The following KCNMA1 variants were observed in gnomAD, a reference collection of about 807,000 sequenced individuals.
KCNMA1 encodes the protein potassium calcium-activated channel subfamily M alpha 1, also known as Calcium-activated potassium channel subunit alpha-1.
KCNMA1 carries 29 observed loss-of-function variants against 140.0 expected under a neutral mutation model. The observed-to-expected ratio is 0.21, with a 90% CI of 0.15 to 0.28. The LOEUF (loss-of-function observed/expected upper bound fraction) is 0.28. Ranked by LOEUF, KCNMA1 falls within the 10% of genes least tolerant of loss-of-function variation. KCNMA1 has a pLI of 1.00. For synonymous variants in KCNMA1, 612 were observed against 611.9 expected, an observed-to-expected ratio of 1.00 and a Z score of 0.00; for missense variants, 880 against 1,602.2, an observed-to-expected ratio of 0.55 and a Z score of 7.70.
chr10:77,278,624 A>G (rs1436291689), intron 2 of KCNMA1, among the ~76,000 whole-genome samples: 1 of 152,208 alleles, frequency 6.6e-6, no homozygotes, highest in Non-Finnish European at 1.5e-5. Context: ...AGTGAAGACA[A>G]AAAATATTTT....
intron 1 of KCNMA1, among the ~76,000 whole-genome samples, chr10:77,452,970 A>T (rs190989329): frequency 7.6e-4 from 116 of 152,218 alleles, no homozygotes; most frequent in African/African-American, 2.7e-3. Flanking sequence ...CCTTAATCTC[A>T]TCTGGAAAAC....
Position 77,321,450 on chromosome 10 carries a change from A to G in KCNMA1, c.541-70194T>C, listed in dbSNP as rs573345250. On this transcript the variant is annotated intron_variant, in intron 2 of 27. Transcript: ENST00000286628. ...CAGAAGCATGGCTCCAAGAAGCCCA[A>G]GTCCTGAGGATATTGTCAGTAAAAC... 2.6e-5 allele frequency among the ~76,000 whole-genome samples: 4 copies of G among 151,114 alleles called. No homozygotes were observed. In the East Asian group the frequency reaches 7.8e-4, roughly 29 times the overall value.
intron 3 of KCNMA1, among the ~76,000 whole-genome samples, chr10:77,210,252 T>C (rs946240696): frequency 3.9e-5 from 6 of 152,360 alleles, no homozygotes; most frequent in African/African-American, 1.4e-4. Context: ...GATGCAAGGT[T>C]GGTTCAGTAT....
intron 14 of KCNMA1, among the ~76,000 whole-genome samples, chr10:77,039,888 T>TTC (rs1555164297): frequency 7.0e-5 from 9 of 128,696 alleles, no homozygotes; most frequent in Admixed American, 1.6e-4. Context: ...TTTTTCTTTT[T>TTC]TTTTTTTTTT....
At chr10:77,208,772 A>G (rs776803563) in intron 3 of KCNMA1, among the ~76,000 whole-genome samples, 2 of 152,194 alleles carry the variant, frequency 1.3e-5, no homozygotes, top group African/African-American at 4.8e-5. Context: ...CACAGGCAAG[A>G]GCTAAACAAA....
At chr10:77,348,789 T>C (rs777868361) in intron 2 of KCNMA1, among the ~76,000 whole-genome samples, 1 of 152,182 alleles carries the variant, frequency 6.6e-6, no homozygotes, top group South Asian at 2.1e-4. Context: ...TCCTAGAAAT[T>C]GACACAATTA....
chr10:77,282,244 C>T (rs542576953), intron 2 of KCNMA1, among the ~76,000 whole-genome samples: 1 of 152,288 alleles, frequency 6.6e-6, no homozygotes, highest in Admixed American at 6.5e-5. Context: ...TGGTACCTGT[C>T]ATGGCCTTGA....
At chr10:77,336,267 T>C (rs560424666) in intron 2 of KCNMA1, among the ~76,000 whole-genome samples, 68 of 152,216 alleles carry the variant, frequency 4.5e-4, no homozygotes, top group African/African-American at 1.5e-3. Context: ...AATTAACCAT[T>C]ACCTAGCTTC....
intron 13 of KCNMA1, among the ~76,000 whole-genome samples, chr10:77,078,275 G>T (rs1369902329): frequency 6.6e-6 from 1 of 152,154 alleles, no homozygotes; most frequent in Non-Finnish European, 1.5e-5. Context: ...CCGGTTTCTA[G>T]GTTTCATTAA....
rs151267079 is a variant in KCNMA1, at chr10:77,360,614, G to A, written c.540+43248C>T. On this transcript the variant is annotated intron_variant, in intron 2 of 27. Transcript: ENST00000286628. Reference sequence around the variant, plus strand: ...GCACCTGGGACGACCGGCATCCTCTGCACTTCCAAGGCCTTCACTCTTCCC... The same window carrying A: ...GCACCTGGGACGACCGGCATCCTCTACACTTCCAAGGCCTTCACTCTTCCC... Among the ~76,000 whole-genome samples, 163 of 152,292 alleles carry A rather than the reference G, an allele frequency of 1.1e-3. No individual in the cohort carries two copies. The East Asian group carries it at 0.015, about 14-fold the overall frequency.
At chr10:77,491,547 T>A (rs2039857805) in intron 1 of KCNMA1, among the ~76,000 whole-genome samples, 1 of 152,118 alleles carries the variant, frequency 6.6e-6, no homozygotes, top group Non-Finnish European at 1.5e-5. Context: ...AACAGGGCAA[T>A]GTAGGGCAGT....
At chr10:77,222,588 T>C (rs149137693) in intron 3 of KCNMA1, among the ~76,000 whole-genome samples, 1 of 152,350 alleles carries the variant, frequency 6.6e-6, no homozygotes, top group East Asian at 1.9e-4. Context: ...TAGAGGCTTC[T>C]AGATCCTTTG....
At chr10:77,403,828 G>A in intron 2 of KCNMA1, 34 bp downstream of exon 2, 1 of 1,594,614 alleles carries the variant, frequency 6.3e-7, no homozygotes, top group East Asian at 2.2e-5. Context: ...CAGACAGCAA[G>A]GCCTCCTGGT....
intron 25 of KCNMA1, chr10:76,902,810 A>C (rs2046085817): frequency 6.6e-6 from 1 of 152,214 alleles, no homozygotes; most frequent in Non-Finnish European, 1.5e-5. Context: ...AAAAAACAAA[A>C]CAAAACAAAA....
chr10:77,610,211 C>T lies in KCNMA1; in HGVS notation c.378+27054G>A, dbSNP rs867575505. On this transcript the variant is annotated intron_variant, in intron 1 of 27. Transcript: ENST00000286628. ...CCCCTCTAACACACACAATCCCATC[C>T]CCTGTTCAGTGGTCTCATGGTGCCA... is the stretch of plus-strand genomic sequence containing the variant. Among the ~76,000 whole-genome samples the T allele has an allele frequency of 2.0e-5, 3 of 152,188 alleles. No individual in the cohort carries two copies. The South Asian group carries it at 6.2e-4, about 32-fold the overall frequency.
intron 14 of KCNMA1, among the ~76,000 whole-genome samples, chr10:77,052,576 T>C (rs2095408268): frequency 1.3e-5 from 2 of 151,798 alleles, no homozygotes; most frequent in African/African-American, 4.8e-5. Context: ...ACGACTGATT[T>C]TGAATGGATA....
At chr10:77,399,892 G>A (rs1215949678) in intron 2 of KCNMA1, among the ~76,000 whole-genome samples, 1 of 152,166 alleles carries the variant, frequency 6.6e-6, no homozygotes, top group Non-Finnish European at 1.5e-5. Flanking sequence ...GATATTCTGA[G>A]GTTGTATTGG....
At chr10:77,163,936 G>A (rs891229825) in intron 5 of KCNMA1, among the ~76,000 whole-genome samples, 1 of 152,068 alleles carries the variant, frequency 6.6e-6, no homozygotes, top group African/African-American at 2.4e-5. Context: ...AGACACTCAG[G>A]GCATCACTGT....
chr10:77,100,329 A>T (rs190849923), intron 9 of KCNMA1, among the ~76,000 whole-genome samples: 2 of 152,322 alleles, frequency 1.3e-5, no homozygotes, highest in Non-Finnish European at 2.9e-5. Context: ...ATGGGCACAT[A>T]TCTATCTCTG....
Sources: allele counts gnomAD v4.1 joint callset (sites outside exome capture counted in the v4.1 genomes callset), GRCh38; gene constraint gnomAD v4.1.1; transcripts MANE v1.5; gene names NCBI Gene and HGNC (gene_info 2026-07-23, HGNC 2026-07-21).